The following PACSIN2 variants were observed in gnomAD, a reference collection of about 807,000 sequenced individuals.
The protein encoded by PACSIN2 is protein kinase C and casein kinase substrate in neurons 2, also known as protein kinase C and casein kinase substrate in neurons protein 2.
In PACSIN2, 25 loss-of-function variants were observed where a neutral mutation model predicts 63.8. The observed-to-expected ratio is 0.39, with a 90% confidence interval of 0.29 to 0.55. The LOEUF is 0.55. Ranked by LOEUF, PACSIN2 falls within the 20% of genes least tolerant of loss-of-function variation. PACSIN2 has a pLI of 0.62. For synonymous variants in PACSIN2, 255 were observed against 256.2 expected, an observed-to-expected ratio of 1.00 and a Z score of 0.05; for missense variants, 518 against 646.9, an observed-to-expected ratio of 0.80 and a Z score of 2.16.
In PACSIN2 at chr22:42,995,837, G is replaced by A. The variant is rs1387386914; in HGVS notation, c.-78+19184C>T. ...CCAGCGCTCTGGGAAGCCGGGACAGGAGGATCACTTGAAGCCAGGAGTTCA... is the reference window on the plus strand; with the variant it reads ...CCAGCGCTCTGGGAAGCCGGGACAGAAGGATCACTTGAAGCCAGGAGTTCA... On this transcript the variant is annotated intron_variant, in intron 1 of 10. Transcript: ENST00000263246. 2.2e-4 allele frequency among the ~76,000 whole-genome samples: 34 copies of A among 152,180 alleles called. 1 individual carries two copies. The highest frequency in any genetic ancestry group is 2.2e-3 in the Admixed American group (33 of 15,276).
At chr22:42,899,554 C>G (rs112748763) in intron 2 of PACSIN2, among the ~76,000 whole-genome samples, 4 of 152,274 alleles carry the variant, frequency 2.6e-5, no homozygotes, top group African/African-American at 9.6e-5. Flanking sequence ...CAAGTGTGGG[C>G]AGAGGTGGGT....
Position 42,871,517 on chromosome 22 carries a change from G to T in PACSIN2, c.1349-48C>A. 1.4e-6 allele frequency: 2 copies of T among 1,417,060 alleles called. No homozygotes were observed. The highest frequency in any genetic ancestry group is 2.0e-6 in the Non-Finnish European group (2 of 1,000,002). 87.8% of individuals were successfully genotyped at this position (1,417,060 alleles called of 1,614,324 possible). On this transcript the variant is annotated intron_variant, in intron 10 of 10. Transcript: ENST00000263246. This position sits in a 1 kb window ranked among gnomAD's most constrained non-coding sequence, Gnocchi z 5.4. ...TCTCCATGAGAGGTATGACACCGAC[G>T]GTGGGCTACAGAGCCGCATTCACGA...
chr22:42,902,576 C>T (rs890295594), intron 2 of PACSIN2, among the ~76,000 whole-genome samples: 2 of 152,184 alleles, frequency 1.3e-5, no homozygotes, highest in African/African-American at 4.8e-5. Context: ...GCATGGTCAA[C>T]CAAACAACTC....
chr22:43,013,125 T>C (rs1481546720), intron 1 of PACSIN2, among the ~76,000 whole-genome samples: 1 of 152,184 alleles, frequency 6.6e-6, no homozygotes, highest in African/African-American at 2.4e-5. Flanking sequence ...CAACTTCATA[T>C]ACATTTGAGA....
At chr22:42,998,257 C>T (rs1370569655) in intron 1 of PACSIN2, among the ~76,000 whole-genome samples, 3 of 152,170 alleles carry the variant, frequency 2.0e-5, no homozygotes, top group East Asian at 1.9e-4. Context: ...CTTCAGGGAC[C>T]GTGAATATAG....
chr22:42,982,720 G>A (rs1406353958), intron 1 of PACSIN2, among the ~76,000 whole-genome samples: 2 of 137,622 alleles, frequency 1.5e-5, no homozygotes, highest in Non-Finnish European at 3.1e-5. Flanking sequence ...TAAGTACCCA[G>A]GGACACAAAC....
intron 2 of PACSIN2, among the ~76,000 whole-genome samples, chr22:42,909,208 GAT>G (rs1324706784): frequency 1.3e-5 from 2 of 152,150 alleles, no homozygotes; most frequent in African/African-American, 2.4e-5. Context: ...CACCTGGCAT[GAT>G]GACCTGCCTA....
At chr22:42,999,453 T>C (rs1923624380) in intron 1 of PACSIN2, among the ~76,000 whole-genome samples, 1 of 152,178 alleles carries the variant, frequency 6.6e-6, no homozygotes, top group African/African-American at 2.4e-5. Flanking sequence ...GTGGATCACC[T>C]GAGGTTGGGA....
intron 1 of PACSIN2, among the ~76,000 whole-genome samples, chr22:42,944,468 G>T (rs1025861654): frequency 6.6e-6 from 1 of 152,160 alleles, no homozygotes; most frequent in Non-Finnish European, 1.5e-5. Context: ...CTCTAACATT[G>T]CTAATAGGCT....
At chr22:42,970,222 G>A (rs572834422) in intron 1 of PACSIN2, among the ~76,000 whole-genome samples, 35 of 152,312 alleles carry the variant, frequency 2.3e-4, no homozygotes, top group South Asian at 1.0e-3. Context: ...AAGTAAACCC[G>A]CAAGGTTAAC....
In PACSIN2 at chr22:42,871,208, T is replaced by C; in HGVS notation, c.*149A>G. ...GAAAGGTGCCGAGTCCCAGGCGAAA[T>C]GACCAGCTCATCTGCCTTCCAGGAA... is the stretch of plus-strand genomic sequence containing the variant. On this transcript the variant is annotated 3_prime_UTR_variant, in exon 11 of 11. Coordinates refer to ENST00000263246, the MANE Select transcript of PACSIN2 (RefSeq NM_001184970.3). This position sits in a 1 kb window ranked among gnomAD's most constrained non-coding sequence, Gnocchi z 5.4. The C allele has an allele frequency of 1.6e-6, 1 of 637,184 alleles. No homozygotes were observed. Among genetic ancestry groups the C allele is most frequent in the East Asian group, 2.7e-5 (1 of 36,514 alleles). 39.5% of individuals were successfully genotyped at this position (637,184 alleles called of 1,614,324 possible). A position where few individuals can be genotyped will look rare whatever the true frequency, so the allele number is the denominator to read the frequency against.
intron 2 of PACSIN2, among the ~76,000 whole-genome samples, chr22:42,903,446 T>C (rs1412067625): frequency 1.3e-5 from 2 of 152,038 alleles, no homozygotes; most frequent in Non-Finnish European, 2.9e-5. Context: ...CACCAAAGAG[T>C]AACAGGGGTC....
At chr22:42,986,153 G>T (rs1398522307) in intron 1 of PACSIN2, among the ~76,000 whole-genome samples, 1 of 152,288 alleles carries the variant, frequency 6.6e-6, no homozygotes, top group East Asian at 1.9e-4. Context: ...GGAAAAACAA[G>T]AAAAGGAAGA....
At chr22:42,926,439 G>T (rs1393074558) in intron 1 of PACSIN2, among the ~76,000 whole-genome samples, 2 of 152,020 alleles carry the variant, frequency 1.3e-5, no homozygotes. Flanking sequence ...AACCATCACC[G>T]AAAACCAGAG....
In PACSIN2 at chr22:42,954,882, C is replaced by T. The variant is rs541158277; in HGVS notation, c.-77-42725G>A. Reference sequence around the variant, plus strand: ...ACAAAGAGAAAAATAGAATTAAGAACAAACTGGTTTGGATCTGATAAATAT... The same window carrying T: ...ACAAAGAGAAAAATAGAATTAAGAATAAACTGGTTTGGATCTGATAAATAT... On this transcript the variant is annotated intron_variant, in intron 1 of 10. Coordinates refer to ENST00000263246, the MANE Select transcript of PACSIN2 (RefSeq NM_001184970.3). Among the ~76,000 whole-genome samples, 28 of 137,864 alleles carry T rather than the reference C, an allele frequency of 2.0e-4. No homozygotes were observed. In the Middle Eastern group the frequency reaches 0.011, roughly 52 times the overall value. The allele number at this position is 137,864 out of a possible 152,430, so 90.4% of individuals were successfully genotyped here.
At chr22:42,880,305 C>A (rs1052185397) in intron 7 of PACSIN2, among the ~76,000 whole-genome samples, 1 of 152,260 alleles carries the variant, frequency 6.6e-6, no homozygotes, top group African/African-American at 2.4e-5. Context: ...GACCCCAAAT[C>A]TGGGTCACCT....
chr22:42,958,460 C>A (rs1380917107), intron 1 of PACSIN2, among the ~76,000 whole-genome samples: 1 of 152,168 alleles, frequency 6.6e-6, no homozygotes, highest in Non-Finnish European at 1.5e-5. Flanking sequence ...AAATCTCATA[C>A]CTGTAAAAAT....
chr22:42,998,906 T>C (rs1923584119), intron 1 of PACSIN2, among the ~76,000 whole-genome samples: 1 of 151,958 alleles, frequency 6.6e-6, no homozygotes, highest in African/African-American at 2.4e-5. Context: ...GAAGAGGAGA[T>C]CGGCTGCAGA....
chr22:42,962,508 T>C (rs1396791456), intron 1 of PACSIN2, among the ~76,000 whole-genome samples: 1 of 151,810 alleles, frequency 6.6e-6, no homozygotes, highest in Non-Finnish European at 1.5e-5. Context: ...TCTTGGATAG[T>C]TTCTGCTTAA....
Sources: allele counts gnomAD v4.1 joint callset (sites outside exome capture counted in the v4.1 genomes callset), GRCh38; gene constraint gnomAD v4.1.1; non-coding constraint Gnocchi (gnomAD v3.1); transcripts MANE v1.5; gene names NCBI Gene and HGNC (gene_info 2026-07-23, HGNC 2026-07-21).